The following FAM184A variants were observed in gnomAD, a reference collection of about 807,000 sequenced individuals.
The protein encoded by FAM184A is family with sequence similarity 184 member A.
A neutral mutation model predicts 143.8 loss-of-function variants in FAM184A; 99 were observed. The observed-to-expected ratio is 0.69, with a 90% CI of 0.58 to 0.81. The LOEUF (loss-of-function observed/expected upper bound fraction) is 0.81, where lower values mean the gene tolerates loss of function less well. Among genes scored for constraint, FAM184A ranks in the 40% least tolerant of loss-of-function variants. The pLI is 0.00. For synonymous variants in FAM184A, 427 were observed against 446.4 expected (o/e 0.96, Z 0.55); for missense variants, 1,217 against 1,310.5 (o/e 0.93, Z 1.10).
chr6:119,067,634 T>C (rs1314847681), intron 1 of FAM184A, among the ~76,000 whole-genome samples: 1 of 152,232 alleles, frequency 6.6e-6, no homozygotes, highest in Non-Finnish European at 1.5e-5. Context: ...AACAAGGTTA[T>C]ACATTGATCA....
chr6:119,124,693 G>T (rs556792038), intron 1 of FAM184A, among the ~76,000 whole-genome samples: 1 of 151,876 alleles, frequency 6.6e-6, no homozygotes, highest in Non-Finnish European at 1.5e-5. Context: ...CTAATAAAAC[G>T]TGAAAAGACA....
At chr6:118,960,821 T>A in intron 17 of FAM184A, 1 of 1,366,030 alleles carries the variant, frequency 7.3e-7, no homozygotes, top group Non-Finnish European at 9.8e-7. Flanking sequence ...GAAACTCCAG[T>A]AGTCATGTTC....
intron 9 of FAM184A, among the ~76,000 whole-genome samples, chr6:118,995,887 G>A (rs1784528734): frequency 1.3e-5 from 2 of 152,310 alleles, no homozygotes; most frequent in South Asian, 4.1e-4. Context: ...GTCCTGGGCT[G>A]CAGCACCTCT....
chr6:119,072,520 T>C (rs900841060), intron 1 of FAM184A, among the ~76,000 whole-genome samples: 1 of 152,182 alleles, frequency 6.6e-6, no homozygotes, highest in Admixed American at 6.5e-5. Context: ...ACAAACCAAT[T>C]AGTGAAAAAT....
chr6:119,088,623 G>A (rs1788289711), intron 1 of FAM184A, among the ~76,000 whole-genome samples: 2 of 151,946 alleles, frequency 1.3e-5, no homozygotes, highest in African/African-American at 4.8e-5. Context: ...TTCGGGGTTG[G>A]CCAGGTGATC....
At chr6:119,148,534 C>A (rs1233734476) in intron 1 of FAM184A, among the ~76,000 whole-genome samples, 2 of 152,170 alleles carry the variant, frequency 1.3e-5, no homozygotes, top group African/African-American at 4.8e-5. Flanking sequence ...CCCTGCTCTG[C>A]CTGCAGGGAG....
At chr6:118,967,923 T>C (rs1303693367) in intron 14 of FAM184A, among the ~76,000 whole-genome samples, 2 of 152,210 alleles carry the variant, frequency 1.3e-5, no homozygotes, top group East Asian at 3.8e-4. Context: ...AGTTATACAT[T>C]CCTATTCCCA....
chr6:119,129,695 T>TGTGTGG (rs1159703529), intron 1 of FAM184A, among the ~76,000 whole-genome samples: 2 of 147,730 alleles, frequency 1.4e-5, no homozygotes, highest in Non-Finnish European at 1.5e-5. Flanking sequence ...TGTTTTTTGG[T>TGTGTGG]TTCATTTTTG....
chr6:119,129,358 T>C (rs1052587605), intron 1 of FAM184A, among the ~76,000 whole-genome samples: 1 of 152,196 alleles, frequency 6.6e-6, no homozygotes, highest in Non-Finnish European at 1.5e-5. Flanking sequence ...TACTGAGAAC[T>C]AACCTGGGCG....
chr6:119,038,916 TA>T (rs1786213452), intron 1 of FAM184A, among the ~76,000 whole-genome samples: 1 of 152,030 alleles, frequency 6.6e-6, no homozygotes, highest in African/African-American at 2.4e-5. Flanking sequence ...TTGCAAAAGA[TA>T]AAGGACTTAA....
At chr6:118,989,640 A>G (rs1386613746) in intron 9 of FAM184A, among the ~76,000 whole-genome samples, 1 of 151,638 alleles carries the variant, frequency 6.6e-6, no homozygotes, top group East Asian at 1.9e-4. Flanking sequence ...TAACTTCTCA[A>G]TCTCAACTTT....
At chr6:119,004,998 T>C (rs1279024421) in intron 7 of FAM184A, among the ~76,000 whole-genome samples, 1 of 152,216 alleles carries the variant, frequency 6.6e-6, no homozygotes. Flanking sequence ...TTAACATTCA[T>C]TAGAAATATT....
At chr6:118,984,783 C>CA (rs1382454207) in intron 9 of FAM184A, among the ~76,000 whole-genome samples, 1 of 152,188 alleles carries the variant, frequency 6.6e-6, no homozygotes, top group Admixed American at 6.5e-5. Flanking sequence ...CTGTGATTCT[C>CA]AAACCTGGCT....
chr6:119,016,788 C>A lies in FAM184A; in HGVS notation c.1489G>T (p.Val497Phe), dbSNP rs773978486. The A allele has an allele frequency of 4.8e-5, 77 of 1,614,044 alleles. No homozygotes were observed. The highest frequency in any genetic ancestry group is 6.4e-5 in the Non-Finnish European group (76 of 1,180,034). Residue 497 changes from valine (V) to phenylalanine (F), a missense_variant, in exon 5 of 18, where the codon GTC becomes TTC. Val to Phe is a conservative substitution (Grantham distance 50, BLOSUM62 -1). Coordinates refer to ENST00000338891, the MANE Select transcript of FAM184A (RefSeq NM_024581.6). ...TTATCCCTAATTGCATTACTGTGGACAGCTTCAATTGCCATATGGTGCTTC... is the reference window on the plus strand; with the variant it reads ...TTATCCCTAATTGCATTACTGTGGAAAGCTTCAATTGCCATATGGTGCTTC... ...AWKHHMAIEA[V>F]HSNAIRDKKK...
chr6:119,088,124 G>A (rs531448769), intron 1 of FAM184A, among the ~76,000 whole-genome samples: 13 of 152,264 alleles, frequency 8.5e-5, no homozygotes, highest in South Asian at 6.2e-4. Context: ...TGGGTATAGG[G>A]TTTCAACTGG....
chr6:119,121,447 C>A (rs545868756), intron 1 of FAM184A, among the ~76,000 whole-genome samples: 2 of 152,002 alleles, frequency 1.3e-5, no homozygotes, highest in African/African-American at 2.4e-5. Flanking sequence ...TTTTAAAATT[C>A]TTTTTTAAGG....
In FAM184A at chr6:119,006,328, G is replaced by C. The variant is rs184349937; in HGVS notation, c.1815+119C>G. 410 of 975,240 alleles carry C rather than the reference G, an allele frequency of 4.2e-4. 5 individuals carry two copies. In the Middle Eastern group the frequency reaches 0.012, roughly 29 times the overall value. The allele number at this position is 975,240 out of a possible 1,614,324, so 60.4% of individuals were successfully genotyped here. A position where few individuals can be genotyped will look rare whatever the true frequency, so the allele number is the denominator to read the frequency against. ...CAGTTTGTAGTACTTTGTTATGGTA[G>C]TTCTAAGAACTAATATACTAATTAT... On this transcript the variant is annotated intron_variant, in intron 7 of 17. Transcript: ENST00000338891.
At chr6:118,997,142 T>G (rs1396252862) in intron 9 of FAM184A, among the ~76,000 whole-genome samples, 1 of 151,896 alleles carries the variant, frequency 6.6e-6, no homozygotes, top group Non-Finnish European at 1.5e-5. Flanking sequence ...GGCTCACACC[T>G]GTAATCCCAG....
At chr6:118,978,036 T>C (rs1219752428) in intron 11 of FAM184A, among the ~76,000 whole-genome samples, 1 of 152,212 alleles carries the variant, frequency 6.6e-6, no homozygotes, top group Admixed American at 6.5e-5. Flanking sequence ...TGATCTTGGC[T>C]CACTGCAAAC....
Sources: allele counts gnomAD v4.1 joint callset (sites outside exome capture counted in the v4.1 genomes callset), GRCh38; gene constraint gnomAD v4.1.1; transcripts MANE v1.5; gene names NCBI Gene and HGNC (gene_info 2026-07-23, HGNC 2026-07-21).